Variants in TNFRSF14 observed in about 807,000 individuals in gnomAD.
The protein encoded by TNFRSF14 is tumor necrosis factor receptor superfamily member 14.
In TNFRSF14, 18 loss-of-function variants were observed where a neutral mutation model predicts 34.1. The ratio of observed to expected loss-of-function variants is 0.53; its 90% CI spans 0.36 to 0.78. The LOEUF (loss-of-function observed/expected upper bound fraction) is 0.78. Ranked by LOEUF, TNFRSF14 falls within the 30% of genes least tolerant of loss-of-function variation. TNFRSF14 has a pLI of 0.00. For synonymous variants in TNFRSF14, 157 were observed against 153.2 expected, an observed-to-expected ratio of 1.02 and a Z score of -0.18; for missense variants, 352 against 379.5, an observed-to-expected ratio of 0.93 and a Z score of 0.60.
At position 2,556,457 on chromosome 1, in the gene TNFRSF14, A is replaced by T; in HGVS notation, c.-208A>T. On this transcript the variant is annotated 5_prime_UTR_variant, in exon 1 of 8. Coordinates refer to ENST00000355716, the MANE Select transcript of TNFRSF14 (RefSeq NM_003820.4). ...GTCCCCCAGCGCCGCTCCACCCAGC[A>T]GGCCTGAGCCCCTCTCTGCTGCCAG... 1 of 703,228 alleles carries T rather than the reference A, an allele frequency of 1.4e-6. No individual in the cohort carries two copies. The highest frequency in any genetic ancestry group is 2.6e-6 in the Non-Finnish European group (1 of 386,980). The allele number at this position is 703,228 out of a possible 1,614,324, so 43.6% of individuals were successfully genotyped here. A position where few individuals can be genotyped will look rare whatever the true frequency, so the allele number is the denominator to read the frequency against.
In TNFRSF14 at chr1:2,561,407, C is replaced by T; in HGVS notation, c.552-266C>T. 1 of 1,348,218 alleles carries T rather than the reference C, an allele frequency of 7.4e-7. No individual in the cohort carries two copies. The highest frequency in any genetic ancestry group is 1.0e-6 in the Non-Finnish European group (1 of 1,003,074). 83.5% of individuals were successfully genotyped at this position (1,348,218 alleles called of 1,614,324 possible). On this transcript the variant is annotated intron_variant, in intron 5 of 7. Transcript: ENST00000355716. The surrounding 1 kb of genome is among the most constrained non-coding windows in gnomAD (Gnocchi z 6.0). ...GCACTGCTGGCTGCCTCCCGCTTCT[C>T]TCCCCTCTCCCTCTGCCGTCCTGTC...
chr1:2,561,868 G>A lies in TNFRSF14; in HGVS notation c.694+53G>A, dbSNP rs1414206191. ...TCATGTCCCCAGCCGTCACCTCTTG[G>A]AGCTCTGTCACCCCAAGCCTGGGAG... is the stretch of plus-strand genomic sequence containing the variant. On this transcript the variant is annotated intron_variant, in intron 6 of 7. Transcript: ENST00000355716. The surrounding 1 kb of genome is among the most constrained non-coding windows in gnomAD (Gnocchi z 6.0). The A allele has an allele frequency of 1.9e-6, 3 of 1,573,492 alleles. No homozygotes were observed. The highest frequency in any genetic ancestry group is 1.4e-5 in the African/African-American group (1 of 73,928).
upstream of TNFRSF14, chr1:2,556,132 C>T (rs896677404): frequency 4.9e-5 from 18 of 367,636 alleles, no homozygotes; most frequent in Admixed American, 1.6e-4. Flanking sequence ...TGGTTTTATT[C>T]GGAAGGGAAG....
chr1:2,559,417 C>G, intron 3 of TNFRSF14: 1 of 1,390,496 alleles, frequency 7.2e-7, no homozygotes, highest in Non-Finnish European at 9.5e-7. Flanking sequence ...CCTGCCTCTG[C>G]CATTGGAATG....
intron 3 of TNFRSF14, chr1:2,558,692 G>A (rs745588294): frequency 8.8e-6 from 10 of 1,130,066 alleles, no homozygotes; most frequent in Middle Eastern, 3.0e-4. Flanking sequence ...CGCCAGGTGG[G>A]CCATCCTGAG....
Position 2,559,683 on chromosome 1 carries a change from G to A in TNFRSF14, c.305-140G>A, listed in dbSNP as rs761078251. ...AGGTCCTCCATGCTGGGTACCTCTGGGCACCTCGTTTGGCTGAGCCAGGGG... is the reference window on the plus strand; with the variant it reads ...AGGTCCTCCATGCTGGGTACCTCTGAGCACCTCGTTTGGCTGAGCCAGGGG... On this transcript the variant is annotated intron_variant, in intron 3 of 7. Transcript: ENST00000355716. 2.0e-6 allele frequency: 3 copies of A among 1,535,492 alleles called. No individual in the cohort carries two copies. In the Admixed American group the frequency reaches 5.9e-5, roughly 30 times the overall value.
At chr1:2,558,651 TC>T in intron 3 of TNFRSF14, 183 bp downstream of exon 3, 1 of 1,236,648 alleles carries the variant, frequency 8.1e-7, no homozygotes, top group Non-Finnish European at 1.1e-6. Context: ...CCGGCCCCCG[TC>T]CACCTCTGTC....
intron 3 of TNFRSF14, chr1:2,559,387 G>A (rs1399550524): frequency 1.5e-6 from 2 of 1,379,158 alleles, no homozygotes; most frequent in Non-Finnish European, 1.9e-6. Context: ...AGTACCTGAA[G>A]AAGTGGGGCT....
chr1:2,561,533 C>A lies in TNFRSF14; in HGVS notation c.552-140C>A. 1.3e-6 allele frequency: 2 copies of A among 1,559,438 alleles called. No homozygotes were observed. Among genetic ancestry groups the A allele is most frequent in the Non-Finnish European group, 1.7e-6 (2 of 1,151,442 alleles). ...GTCAGACAGACCTCTGAGGTCTCAT[C>A]CTGGAGCTGCCACCAGCCCAGCCTC... On this transcript the variant is annotated intron_variant, in intron 5 of 7. Transcript: ENST00000355716. This position sits in a 1 kb window ranked among gnomAD's most constrained non-coding sequence, Gnocchi z 6.0.
chr1:2,558,261 C>T (rs1644248822), intron 2 of TNFRSF14, 82 bp from the exon 3 acceptor site: 1 of 1,519,484 alleles, frequency 6.6e-7, no homozygotes, highest in Middle Eastern at 1.8e-4. Context: ...CCTGCTTGGG[C>T]TCTGGGCGCG....
In TNFRSF14 at chr1:2,561,657, G is replaced by A. The variant is rs370867215; in HGVS notation, c.552-16G>A. 9 of 1,612,442 alleles carry A rather than the reference G, an allele frequency of 5.6e-6. No individual in the cohort carries two copies. The highest frequency in any genetic ancestry group is 6.8e-6 in the Non-Finnish European group (8 of 1,179,750). On this transcript the variant is annotated splice_polypyrimidine_tract_variant and intron_variant, in intron 5 of 7. Transcript: ENST00000355716. This position sits in a 1 kb window ranked among gnomAD's most constrained non-coding sequence, Gnocchi z 6.0. ...CTGCACCTGCCTCTCCCACGTCCTC[G>A]GCCCCACTCCCGCAGGTGCAGCTGG... is the stretch of plus-strand genomic sequence containing the variant.
chr1:2,563,324 G>T lies in TNFRSF14; in HGVS notation c.*51G>T, dbSNP rs745475324. The T allele has an allele frequency of 3.1e-6, 5 of 1,601,652 alleles. No individual in the cohort carries two copies. Among genetic ancestry groups the T allele is most frequent in the Non-Finnish European group, 4.3e-6 (5 of 1,171,652 alleles). ...AGAGATACCTGGAGCGACGGCTGCT[G>T]AAAGAGGCTGTCCACCTGGCGGAAC... is the stretch of plus-strand genomic sequence containing the variant. On this transcript the variant is annotated 3_prime_UTR_variant, in exon 8 of 8. Coordinates refer to ENST00000355716, the MANE Select transcript of TNFRSF14 (RefSeq NM_003820.4).
In TNFRSF14 at chr1:2,561,792, G is replaced by A. The variant is rs1644313373; in HGVS notation, c.671G>A (p.Cys224Tyr). 6.2e-7 allele frequency: 1 copy of A among 1,613,738 alleles called. No individual in the cohort carries two copies. The highest frequency in any genetic ancestry group is 1.3e-5 in the African/African-American group (1 of 74,934). ...IVCSTVGLII[C>Y]VKRRKPRGDV... ...TGCTCCACAGTTGGCCTAATCATAT[G>A]TGTGAAAAGAAGAAAGCCAAGGGGT... Residue 224 changes from cysteine to tyrosine, a missense_variant, in exon 6 of 8, where the codon TGT (cysteine) becomes TAT (tyrosine). By Grantham distance (194) the Cys-to-Tyr change is radical. Transcript: ENST00000355716. The surrounding 1 kb of genome is among the most constrained non-coding windows in gnomAD (Gnocchi z 6.0).
chr1:2,562,130 G>A (rs920105631), intron 6 of TNFRSF14: 1 of 427,632 alleles, frequency 2.3e-6, no homozygotes, highest in African/African-American at 2.0e-5. Flanking sequence ...CTGCTCAGCT[G>A]GGAGAAGCTC....
rs773022868 is a variant in TNFRSF14, at chr1:2,561,656, C to T, written c.552-17C>T. On this transcript the variant is annotated splice_polypyrimidine_tract_variant and intron_variant, in intron 5 of 7. Transcript: ENST00000355716. This position sits in a 1 kb window ranked among gnomAD's most constrained non-coding sequence, Gnocchi z 6.0. ...GCTGCACCTGCCTCTCCCACGTCCT[C>T]GGCCCCACTCCCGCAGGTGCAGCTG... The T allele has an allele frequency of 1.9e-5, 30 of 1,612,330 alleles. No homozygotes were observed. Among genetic ancestry groups the T allele is most frequent in the South Asian group, 9.9e-5 (9 of 91,034 alleles).
At chr1:2,559,785 T>C in intron 3 of TNFRSF14, 38 bp from the exon 4 acceptor site, 1 of 1,586,726 alleles carries the variant, frequency 6.3e-7, no homozygotes, top group Admixed American at 1.8e-5. Context: ...TGTCCCGGCC[T>C]CCACGTACCC....
rs777356370 is a variant in TNFRSF14, at chr1:2,559,743, G to A, written c.305-80G>A. The A allele has an allele frequency of 1.9e-6, 3 of 1,542,396 alleles. No individual in the cohort carries two copies. The African/African-American group carries it at 4.1e-5, about 21-fold the overall frequency. ...GCAGGGCGCCCTGGCAGCAGTCCTT[G>A]GCCTGTGGATGCTGTCCTGGCCCGT... On this transcript the variant is annotated intron_variant, in intron 3 of 7. Transcript: ENST00000355716.
chr1:2,562,715 C>T (rs1460521353), intron 6 of TNFRSF14, 150 bp from the exon 7 acceptor site: 1 of 1,046,170 alleles, frequency 9.6e-7, no homozygotes, highest in African/African-American at 1.6e-5. Flanking sequence ...TTGGCCTCCT[C>T]TGCTCTCAGA....
chr1:2,558,582 C>T, intron 3 of TNFRSF14, 114 bp downstream of exon 3: 7 of 1,559,594 alleles, frequency 4.5e-6, no homozygotes, highest in South Asian at 1.2e-5. Flanking sequence ...CTGCCCCAGG[C>T]CAGGTCCCAA....
Sources: allele counts gnomAD v4.1 joint callset, GRCh38; gene constraint gnomAD v4.1.1; non-coding constraint Gnocchi (gnomAD v3.1); transcripts MANE v1.5; gene names NCBI Gene and HGNC (gene_info 2026-07-23, HGNC 2026-07-21).